SLC16A10: variants seen among roughly 807,000 people sequenced by gnomAD.
SLC16A10 encodes monocarboxylate transporter 10.
SLC16A10 carries 27 observed loss-of-function variants against 40.0 expected under a neutral mutation model. That is an observed-to-expected ratio of 0.67 (90% CI 0.50 to 0.93). The LOEUF (loss-of-function observed/expected upper bound fraction) is 0.93, where lower values mean the gene tolerates loss of function less well. SLC16A10 is among the 40% of genes least tolerant of loss of function. The probability of loss-of-function intolerance (pLI) is 0.00; values close to 1 mark genes in which losing one functional copy is unlikely to be tolerated. For missense variants in SLC16A10, 529 were observed against 658.2 expected, an observed-to-expected ratio of 0.80 and a Z score of 2.15; for synonymous variants, 213 against 249.8, an observed-to-expected ratio of 0.85 and a Z score of 1.39.
intron 3 of SLC16A10, among the ~76,000 whole-genome samples, chr6:111,197,432 G>A (rs576397194): frequency 1.2e-3 from 184 of 152,260 alleles, no homozygotes; most frequent in African/African-American, 4.3e-3. Flanking sequence ...ACCAACAGAA[G>A]AAGGTAGAAC....
At chr6:111,159,654 A>G (rs1772335405) in intron 1 of SLC16A10, among the ~76,000 whole-genome samples, 1 of 152,060 alleles carries the variant, frequency 6.6e-6, no homozygotes, top group Non-Finnish European at 1.5e-5. Flanking sequence ...GGGGCTGGGA[A>G]CCCCCTAGGA....
At chr6:111,135,467 A>G (rs964897095) in intron 1 of SLC16A10, among the ~76,000 whole-genome samples, 4 of 152,180 alleles carry the variant, frequency 2.6e-5, no homozygotes, top group Admixed American at 6.5e-5. Flanking sequence ...AGGATTATCA[A>G]TGAGGCCATT....
chr6:111,121,623 A>C (rs1003771122), intron 1 of SLC16A10, among the ~76,000 whole-genome samples: 8 of 152,304 alleles, frequency 5.3e-5, no homozygotes, highest in African/African-American at 1.2e-4. Context: ...ATTCTGTGTT[A>C]TTCTTCTATT....
intron 1 of SLC16A10, among the ~76,000 whole-genome samples, chr6:111,148,334 C>T (rs1469381235): frequency 6.6e-6 from 1 of 152,154 alleles, no homozygotes; most frequent in East Asian, 1.9e-4. Flanking sequence ...TTTTTCTTGG[C>T]AGGTTTAATG....
Position 111,201,707 on chromosome 6 carries a change from G to A in SLC16A10, c.943-4885G>A, listed in dbSNP as rs887397990. On this transcript the variant is annotated intron_variant, in intron 3 of 5. Transcript: ENST00000368851. ...CCAAATTACACAGTCTTAGGAAACAGTACAGTAGGTAATTATTGGACCTTT... is the reference window on the plus strand; with the variant it reads ...CCAAATTACACAGTCTTAGGAAACAATACAGTAGGTAATTATTGGACCTTT... Among the ~76,000 whole-genome samples, 3 of 152,198 alleles carry A rather than the reference G, an allele frequency of 2.0e-5. No individual in the cohort carries two copies. The East Asian group carries it at 5.8e-4, about 29-fold the overall frequency.
At chr6:111,214,154 T>G (rs1773386042) in intron 4 of SLC16A10, among the ~76,000 whole-genome samples, 1 of 152,236 alleles carries the variant, frequency 6.6e-6, no homozygotes, top group South Asian at 2.1e-4. Flanking sequence ...CTATAGCCTG[T>G]ACTATTATAA....
intron 1 of SLC16A10, among the ~76,000 whole-genome samples, chr6:111,113,870 T>A (rs1033680644): frequency 2.6e-5 from 4 of 152,044 alleles, no homozygotes; most frequent in African/African-American, 9.7e-5. Flanking sequence ...CAACCTTGAG[T>A]GAGTAAAAGC....
At chr6:111,094,505 C>T (rs1771038588) in intron 1 of SLC16A10, among the ~76,000 whole-genome samples, 1 of 152,184 alleles carries the variant, frequency 6.6e-6, no homozygotes, top group Admixed American at 6.6e-5. Flanking sequence ...TGGAATGTAT[C>T]TTAGCTTCTT....
intron 3 of SLC16A10, among the ~76,000 whole-genome samples, chr6:111,201,518 C>T (rs1395413116): frequency 6.6e-6 from 1 of 152,104 alleles, no homozygotes; most frequent in Non-Finnish European, 1.5e-5. Context: ...CAGTAATCCC[C>T]CTTCTTTTTA....
At chr6:111,162,308 C>T (rs576835515) in intron 1 of SLC16A10, among the ~76,000 whole-genome samples, 1 of 152,312 alleles carries the variant, frequency 6.6e-6, no homozygotes, top group Admixed American at 6.5e-5. Context: ...TAAAGCTGAG[C>T]CCAGCCATGG....
Position 111,225,915 on chromosome 6 carries a change from A to G in SLC16A10, c.*3680A>G, listed in dbSNP as rs895864471. On this transcript the variant is annotated 3_prime_UTR_variant, in exon 6 of 6. Transcript: ENST00000368851. ...CCTTCAAAAACCTCCTGAAGAGTCC[A>G]TTAACATCCATGCTTAGTTCCACTG... is the stretch of plus-strand genomic sequence containing the variant. 2 of 152,094 alleles carry G rather than the reference A, an allele frequency of 1.3e-5. No individual in the cohort carries two copies. Among genetic ancestry groups the G allele is most frequent in the Admixed American group, 6.6e-5 (1 of 15,258 alleles). 9.4% of individuals were successfully genotyped at this position (152,094 alleles called of 1,614,324 possible).
At chr6:111,147,552 A>G (rs563200183) in intron 1 of SLC16A10, among the ~76,000 whole-genome samples, 1 of 152,306 alleles carries the variant, frequency 6.6e-6, no homozygotes, top group Admixed American at 6.5e-5. Flanking sequence ...ACAGGAAGAA[A>G]AGCAAGAAAA....
intron 4 of SLC16A10, among the ~76,000 whole-genome samples, chr6:111,212,637 T>C (rs757095004): frequency 1.3e-5 from 2 of 151,790 alleles, no homozygotes; most frequent in African/African-American, 4.8e-5. Context: ...TACAAAAAAT[T>C]AAAAAGTTAG....
intron 1 of SLC16A10, among the ~76,000 whole-genome samples, chr6:111,094,538 T>C (rs566480527): frequency 6.6e-6 from 1 of 152,356 alleles, no homozygotes; most frequent in African/African-American, 2.4e-5. Context: ...TCCTTACCTG[T>C]TTTGTTAAAT....
intron 3 of SLC16A10, among the ~76,000 whole-genome samples, chr6:111,195,215 TGG>T (rs1773059836): frequency 6.6e-6 from 1 of 152,216 alleles, no homozygotes; most frequent in Non-Finnish European, 1.5e-5. Flanking sequence ...AGTTAATGCC[TGG>T]GATACGTGCT....
At chr6:111,133,193 G>T (rs1164485221) in intron 1 of SLC16A10, among the ~76,000 whole-genome samples, 1 of 152,144 alleles carries the variant, frequency 6.6e-6, no homozygotes, top group Non-Finnish European at 1.5e-5. Flanking sequence ...GTCAAGAAAG[G>T]CAGGAAAAGG....
intron 3 of SLC16A10, chr6:111,178,387 A>G (rs1286002082): frequency 1.9e-6 from 1 of 532,912 alleles, no homozygotes; most frequent in Non-Finnish European, 3.9e-6. Flanking sequence ...TATATTGTTT[A>G]TTTCTATTTC....
At chr6:111,137,632 C>T (rs538387430) in intron 1 of SLC16A10, among the ~76,000 whole-genome samples, 23 of 152,324 alleles carry the variant, frequency 1.5e-4, no homozygotes, top group African/African-American at 5.1e-4. Context: ...GCACCCCTCC[C>T]GAGGAAATCT....
intron 3 of SLC16A10, among the ~76,000 whole-genome samples, chr6:111,184,379 G>A (rs921255532): frequency 6.6e-6 from 1 of 152,150 alleles, no homozygotes; most frequent in Admixed American, 6.6e-5. Flanking sequence ...CTTTGACCTG[G>A]TAGGAAGATC....
Sources: gnomAD v4.1 joint callset for allele counts (sites outside exome capture counted in the v4.1 genomes callset) on GRCh38, gnomAD v4.1.1 for gene constraint, MANE v1.5 for transcripts, NCBI Gene and HGNC (gene_info 2026-07-23, HGNC 2026-07-21) for gene names.